Variants in CEP350 observed in about 807,000 individuals in gnomAD.
CEP350 encodes the protein centrosome-associated protein 350.
In CEP350, 126 loss-of-function variants were observed where a neutral mutation model predicts 331.8. The ratio of observed to expected loss-of-function variants is 0.38; its 90% CI spans 0.33 to 0.44. The LOEUF (loss-of-function observed/expected upper bound fraction) is 0.44, where lower values mean the gene tolerates loss of function less well. CEP350 is among the 20% of genes least tolerant of loss of function. The probability of loss-of-function intolerance (pLI) is 1.00; values close to 1 mark genes in which losing one functional copy is unlikely to be tolerated. For missense variants in CEP350, 3,406 were observed against 3,634.6 expected (o/e 0.94, Z 1.62); for synonymous variants, 1,200 against 1,259.5 (o/e 0.95, Z 1.00).
intron 22 of CEP350, 37 bp downstream of exon 22, chr1:180,048,742 T>A: frequency 6.6e-7 from 1 of 1,519,796 alleles, no homozygotes; most frequent in Non-Finnish European, 9.0e-7. Context: ...AATCATTTGT[T>A]CAGAAACCAG....
At chr1:180,100,858 C>T (rs550366484) in intron 37 of CEP350, among the ~76,000 whole-genome samples, 7 of 152,240 alleles carry the variant, frequency 4.6e-5, no homozygotes, top group East Asian at 1.9e-4. Context: ...ATTGCTATCA[C>T]GAGAATAGCA....
intron 24 of CEP350, 150 bp from the exon 25 acceptor site, chr1:180,054,265 T>C (rs1358499207): frequency 1.5e-6 from 1 of 683,710 alleles, no homozygotes; most frequent in African/African-American, 1.8e-5. Flanking sequence ...ATTTGGATAT[T>C]AATGGTTACG....
intron 1 of CEP350, among the ~76,000 whole-genome samples, chr1:179,964,367 T>C (rs753996863): frequency 2.0e-5 from 3 of 152,138 alleles, no homozygotes; most frequent in Admixed American, 6.5e-5. Context: ...CACATCCTTG[T>C]CTTTTTTCAG....
intron 14 of CEP350, among the ~76,000 whole-genome samples, chr1:180,029,998 T>G (rs1655911009): frequency 6.6e-6 from 1 of 152,148 alleles, no homozygotes; most frequent in African/African-American, 2.4e-5. Flanking sequence ...CAGAATGTTC[T>G]TCCTTTTAAG....
In CEP350 at chr1:180,052,988, C is replaced by T; in HGVS notation, c.4811C>T (p.Thr1604Ile). 2 of 1,371,832 alleles carry T rather than the reference C, an allele frequency of 1.5e-6. No individual in the cohort carries two copies. Among genetic ancestry groups the T allele is most frequent in the South Asian group, 1.2e-5 (1 of 81,216 alleles). 85.0% of individuals were successfully genotyped at this position (1,371,832 alleles called of 1,614,324 possible). A position where few individuals can be genotyped will look rare whatever the true frequency, so the allele number is the denominator to read the frequency against. Reference protein sequence around the residue: ...PDEKDSTSIATEYSLKFDESM... With the variant: ...PDEKDSTSIAIEYSLKFDESM... ...CTTTTAGACTCAACGTCTATTGCAACAGAATATTCTCTGAAATTTGATGAA... is the reference window on the plus strand; with the variant it reads ...CTTTTAGACTCAACGTCTATTGCAATAGAATATTCTCTGAAATTTGATGAA... Residue 1604 changes from threonine to isoleucine, a missense_variant, in exon 23 of 38, where the codon ACA becomes ATA. Transcript: ENST00000367607.
At chr1:180,104,060 T>C in intron 37 of CEP350, among the ~76,000 whole-genome samples, 1 of 144,182 alleles carries the variant, frequency 6.9e-6, no homozygotes, top group Non-Finnish European at 1.5e-5. Flanking sequence ...ATATATATTT[T>C]AAATATACAC....
At position 180,075,022 on chromosome 1, in the gene CEP350, G is replaced by T. The variant is rs1454176215; in HGVS notation, c.5568G>T (p.Lys1856Asn). The change falls in exon 28 of 38, where the codon AAG (lysine) becomes AAT (asparagine). Residue 1856 changes from lysine (K) to asparagine (N), a missense_variant and splice_region_variant. Physicochemically the swap from Lys to Asn is moderately conservative, Grantham distance 94. Coordinates refer to ENST00000367607, the MANE Select transcript of CEP350 (RefSeq NM_014810.5). ...LKKMRSRMDE[K>N]FLTKREQKLM... ...ACTGTTCTTCATGGTGTGACCATAG[G>T]TTTCTGACAAAGCGGGAGCAAAAAT... 6.2e-7 allele frequency: 1 copy of T among 1,608,634 alleles called. No individual in the cohort carries two copies. Among genetic ancestry groups the T allele is most frequent in the Non-Finnish European group, 8.5e-7 (1 of 1,177,640 alleles).
Position 180,075,176 on chromosome 1 carries a change from A to G in CEP350, c.5722A>G (p.Lys1908Glu), listed in dbSNP as rs1172917797. The change falls in exon 28 of 38, where the codon AAA becomes GAA. Residue 1908 changes from lysine to glutamate, a missense_variant. Lys to Glu is a moderately conservative substitution (Grantham distance 56, BLOSUM62 1). Around this residue, in one of 5 missense-constraint regions of CEP350, gnomAD observed 1,415 missense variants for 1,512.3 expected, o/e 0.94. Coordinates refer to ENST00000367607, the MANE Select transcript of CEP350 (RefSeq NM_014810.5). ...CTGGGACAAAGAATTAATAAAACCC[A>G]AAACTCCTAAGAAAGAACTGGAGGA... The part of the protein sequence containing the change: ...AAWDKELIKP[K>E]TPKKELEDQR... 3.7e-6 allele frequency: 6 copies of G among 1,613,374 alleles called. No individual in the cohort carries two copies. In the East Asian group the frequency reaches 1.3e-4, roughly 36 times the overall value.
chr1:180,050,152 C>T (rs527818784), intron 22 of CEP350, among the ~76,000 whole-genome samples: 3 of 152,192 alleles, frequency 2.0e-5, no homozygotes, highest in East Asian at 3.9e-4. Flanking sequence ...ATCTAGGTGA[C>T]GTTCGGTTTC....
Position 180,020,028 on chromosome 1 carries a change from G to C in CEP350, c.2254G>C (p.Ala752Pro). Residue 752 changes from alanine (A) to proline (P), a missense_variant, in exon 12 of 38, where the codon GCT becomes CCT. Around this residue, in one of 5 missense-constraint regions of CEP350, gnomAD observed 1,857 missense variants for 1,909.2 expected, o/e 0.97. Coordinates refer to ENST00000367607, the MANE Select transcript of CEP350 (RefSeq NM_014810.5). ...TCACCATTCTCAACCACAGCCTTTT[G>C]CTGGAACAGCTGGAAGTTTACTCTC... Reference protein sequence around the residue: ...QVHHSQPQPFAGTAGSLLSHL... With the variant: ...QVHHSQPQPFPGTAGSLLSHL... The C allele has an allele frequency of 6.2e-7, 1 of 1,613,968 alleles. No homozygotes were observed. The highest frequency in any genetic ancestry group is 8.5e-7 in the Non-Finnish European group (1 of 1,179,880).
intron 10 of CEP350, 81 bp from the exon 11 acceptor site, chr1:180,015,768 T>G (rs1654934412): frequency 6.8e-7 from 1 of 1,462,716 alleles, no homozygotes; most frequent in African/African-American, 1.4e-5. Context: ...AGAGCTGAGG[T>G]GACTTAATGT....
chr1:180,006,000 A>G (rs1021373321), intron 7 of CEP350, among the ~76,000 whole-genome samples: 3 of 152,194 alleles, frequency 2.0e-5, no homozygotes, highest in East Asian at 3.8e-4. Flanking sequence ...TATATAAAAT[A>G]CCTTGACATG....
intron 1 of CEP350, among the ~76,000 whole-genome samples, chr1:179,964,842 T>A (rs546069268): frequency 1.3e-5 from 2 of 152,056 alleles, no homozygotes; most frequent in South Asian, 4.1e-4. Flanking sequence ...GTTCTGTTGA[T>A]CCTTTGTATG....
Position 180,053,110 on chromosome 1 carries a change from C to A in CEP350, c.4933C>A (p.His1645Asn). ...TAACATGGAAAAGAGAAGAGGTCAT[C>A]ATGATGACTCTGATGAAGAAGCTTC... Reference protein sequence around the residue: ...RFNMEKRRGHHDDSDEEASPE... With the variant: ...RFNMEKRRGHNDDSDEEASPE... The change falls in exon 23 of 38, where the codon CAT becomes AAT. Residue 1645 changes from histidine to asparagine, a missense_variant. Coordinates refer to ENST00000367607, the MANE Select transcript of CEP350 (RefSeq NM_014810.5). The A allele has an allele frequency of 6.2e-7, 1 of 1,607,514 alleles. No homozygotes were observed. The highest frequency in any genetic ancestry group is 8.5e-7 in the Non-Finnish European group (1 of 1,176,954).
At chr1:180,087,522 TTAAAA>T (rs1659937928) in intron 31 of CEP350, 51 bp from the exon 32 acceptor site, 1 of 1,419,136 alleles carries the variant, frequency 7.0e-7, no homozygotes, top group Non-Finnish European at 9.4e-7. Flanking sequence ...ATTTTATAAT[TTAAAA>T]TAAGTTTTAA....
intron 14 of CEP350, among the ~76,000 whole-genome samples, chr1:180,028,113 T>C (rs1454895921): frequency 6.6e-6 from 1 of 152,230 alleles, no homozygotes; most frequent in Non-Finnish European, 1.5e-5. Flanking sequence ...ATAAGTGTTC[T>C]GAGAATAAAA....
At chr1:179,976,306 T>C (rs1651866351) in intron 1 of CEP350, among the ~76,000 whole-genome samples, 1 of 152,144 alleles carries the variant, frequency 6.6e-6, no homozygotes. Flanking sequence ...GAAGGACTGT[T>C]CATAACAAAG....
At chr1:180,063,744 C>T (rs1160050849) in intron 26 of CEP350, among the ~76,000 whole-genome samples, 1 of 152,028 alleles carries the variant, frequency 6.6e-6, no homozygotes, top group Non-Finnish European at 1.5e-5. Context: ...GCCTAGCAGG[C>T]CAAAGCTGCA....
intron 7 of CEP350, among the ~76,000 whole-genome samples, chr1:180,003,934 T>C (rs1160351234): frequency 6.6e-6 from 1 of 152,180 alleles, no homozygotes; most frequent in Admixed American, 6.5e-5. Context: ...TTCTAAAGTG[T>C]GAGGTCTTTG....
Sources: gnomAD v4.1 joint callset for allele counts (sites outside exome capture counted in the v4.1 genomes callset) on GRCh38, gnomAD v4.1.1 for gene constraint, gnomAD v4.1.1 regional missense constraint, MANE v1.5 for transcripts, NCBI Gene and HGNC (gene_info 2026-07-23, HGNC 2026-07-21) for gene names.